Variants in DICER1 observed in about 807,000 individuals in gnomAD.
The protein encoded by DICER1 is endoribonuclease Dicer.
A neutral mutation model predicts 194.1 loss-of-function variants in DICER1; 43 were observed. The ratio of observed to expected loss-of-function variants is 0.22; its 90% confidence interval spans 0.17 to 0.29. The LOEUF (loss-of-function observed/expected upper bound fraction) is 0.29, where lower values mean the gene tolerates loss of function less well. Ranked by LOEUF, DICER1 falls within the 10% of genes least tolerant of loss-of-function variation. The pLI, the probability that DICER1 is intolerant of heterozygous loss-of-function variation, is 1.00. For missense variants in DICER1, 1,608 were observed against 2,317.0 expected (o/e 0.69, Z 6.28); for synonymous variants, 832 against 820.5 (o/e 1.01, Z -0.24).
chr14:95,141,675 A>AT (rs1566825812), intron 1 of DICER1: 1 of 152,252 alleles, frequency 6.6e-6, no homozygotes, highest in Non-Finnish European at 1.5e-5. Flanking sequence ...TGGCATATAC[A>AT]TATTTACCTC....
chr14:95,143,438 T>G (rs1894943363), intron 1 of DICER1, among the ~76,000 whole-genome samples: 1 of 152,166 alleles, frequency 6.6e-6, no homozygotes, highest in African/African-American at 2.4e-5. Flanking sequence ...TCTCTAGTCT[T>G]ATAACTTGGC....
At chr14:95,134,605 C>A (rs1269519421) in intron 1 of DICER1, 1 of 152,204 alleles carries the variant, frequency 6.6e-6, no homozygotes, top group Non-Finnish European at 1.5e-5. Context: ...ACTATTTCAA[C>A]AAGAAGTCTC....
Position 95,086,275 on chromosome 14 carries a change from C to A in DICER1, c.*4223G>T, listed in dbSNP as rs1361903310. 11 of 231,616 alleles carry A rather than the reference C, an allele frequency of 4.7e-5. No homozygotes were observed. The highest frequency in any genetic ancestry group is 2.2e-4 in the African/African-American group (10 of 45,092). The allele number at this position is 231,616 out of a possible 1,614,324, so 14.3% of individuals were successfully genotyped here. ...GAGATTTACTTGGCTACAATTATTA[C>A]AAAAAAAACAACTAAAGGTAATTGT... On this transcript the variant is annotated 3_prime_UTR_variant, in exon 27 of 27. Coordinates refer to ENST00000343455, the MANE Select transcript of DICER1 (RefSeq NM_177438.3).
At chr14:95,114,369 AATG>A (rs1217332836) in intron 11 of DICER1, among the ~76,000 whole-genome samples, 2 of 152,224 alleles carry the variant, frequency 1.3e-5, no homozygotes, top group Non-Finnish European at 2.9e-5. Flanking sequence ...ACAAACAGTA[AATG>A]ATAATGATAG....
chr14:95,093,590 T>C (rs1890038420), intron 24 of DICER1, among the ~76,000 whole-genome samples: 1 of 152,210 alleles, frequency 6.6e-6, no homozygotes, highest in Non-Finnish European at 1.5e-5. Context: ...TGGAGGCCAC[T>C]TCTTTGGCAT....
At position 95,103,768 on chromosome 14, in the gene DICER1, G is replaced by A. The variant is rs200925349; in HGVS notation, c.3628C>T (p.Pro1210Ser). 12 of 1,614,030 alleles carry A rather than the reference G, an allele frequency of 7.4e-6. No homozygotes were observed. Among genetic ancestry groups the A allele is most frequent in the South Asian group, 3.3e-5 (3 of 91,086 alleles). Residue 1210 changes from proline to serine, a missense_variant, in exon 21 of 27, where the codon CCC (proline) becomes TCC (serine). Physicochemically the swap from Pro to Ser is moderately conservative, Grantham distance 74. This residue lies in a region of DICER1 where 222 missense variants were observed against 215.5 expected (regional missense o/e 1.03). Coordinates refer to ENST00000343455, the MANE Select transcript of DICER1 (RefSeq NM_177438.3). The part of the protein sequence containing the change: ...NQLNYYKQEI[P>S]VQPTTSYSIQ... ...GAATATGAGGTAGTTGGTTGCACGGGTATTTCCTGCTTGTAGTAATTTAGC... is the reference window on the plus strand; with the variant it reads ...GAATATGAGGTAGTTGGTTGCACGGATATTTCCTGCTTGTAGTAATTTAGC...
intron 8 of DICER1, among the ~76,000 whole-genome samples, chr14:95,121,929 A>G (rs1403476878): frequency 6.6e-6 from 1 of 152,204 alleles, no homozygotes; most frequent in Non-Finnish European, 1.5e-5. Flanking sequence ...AACTGCATGT[A>G]TATTACAATA....
intron 1 of DICER1, among the ~76,000 whole-genome samples, chr14:95,136,401 T>C (rs1894376660): frequency 6.6e-6 from 1 of 152,072 alleles, no homozygotes; most frequent in South Asian, 2.1e-4. Context: ...TCACCAAGAC[T>C]GAGAATCACT....
At position 95,099,731 on chromosome 14, in the gene DICER1, TAC is replaced by T. The variant is rs71838494; in HGVS notation, c.4206+47_4206+48del. 0.028 allele frequency: 28,779 copies of T among 1,041,088 alleles called. 37 individuals carry two copies. Among genetic ancestry groups the T allele is most frequent in the African/African-American group, 0.11 (2,958 of 27,858 alleles). 64.5% of individuals were successfully genotyped at this position (1,041,088 alleles called of 1,614,324 possible). On this transcript the variant is annotated intron_variant, in intron 22 of 26. Coordinates refer to ENST00000343455, the MANE Select transcript of DICER1 (RefSeq NM_177438.3). ...TCACCGAAAAGTAAATCCCTCCAGT[TAC>T]ACACACACACACACACACACACACA...
intron 3 of DICER1, among the ~76,000 whole-genome samples, chr14:95,132,259 T>C (rs996662132): frequency 2.0e-5 from 3 of 152,202 alleles, no homozygotes; most frequent in Non-Finnish European, 4.4e-5. Context: ...ACAACTTAGA[T>C]TATGTTCTAA....
chr14:95,094,930 G>A (rs1294369406), intron 23 of DICER1, among the ~76,000 whole-genome samples: 1 of 152,174 alleles, frequency 6.6e-6, no homozygotes, highest in Non-Finnish European at 1.5e-5. Context: ...GGACTGCTAG[G>A]CGAGAACCCA....
chr14:95,143,102 C>G (rs375814010), intron 1 of DICER1, among the ~76,000 whole-genome samples: 1 of 152,102 alleles, frequency 6.6e-6, no homozygotes, highest in Admixed American at 6.5e-5. Context: ...TGGAAAAAAA[C>G]CACAATATAG....
chr14:95,105,842 G>C lies in DICER1; in HGVS notation c.2988-59C>G. The C allele has an allele frequency of 6.6e-7, 1 of 1,518,244 alleles. No individual in the cohort carries two copies. Among genetic ancestry groups the C allele is most frequent in the African/African-American group, 1.4e-5 (1 of 72,700 alleles). The allele number at this position is 1,518,244 out of a possible 1,614,324, so 94.0% of individuals were successfully genotyped here. ...ACAAAAATGAGTACATATTCACAGT[G>C]GTTCTCCAAAAACCACCTGAAGAGC... is the stretch of plus-strand genomic sequence containing the variant. On this transcript the variant is annotated intron_variant, in intron 18 of 26. Transcript: ENST00000343455. This position sits in a 1 kb window ranked among gnomAD's most constrained non-coding sequence, Gnocchi z 4.9.
chr14:95,132,622 C>A lies in DICER1; in HGVS notation c.200G>T (p.Gly67Val), dbSNP rs2140288591. Residue 67 changes from glycine (G) to valine (V), a missense_variant, in exon 3 of 27, where the codon GGC becomes GTC. This residue lies in a region of DICER1 where 657 missense variants were observed against 910.1 expected (regional missense o/e 0.72). Transcript: ENST00000343455. ...TACTGCAATAAATGTCTTCCCTGAG[C>A]CAGTGTTTAAACAGACGATGGTATT... ...DHNTIVCLNT[G>V]SGKTFIAVLL... is the part of the protein sequence containing the mutation. 6.2e-7 allele frequency: 1 copy of A among 1,613,872 alleles called. No homozygotes were observed. The highest frequency in any genetic ancestry group is 8.5e-7 in the Non-Finnish European group (1 of 1,179,882).
intron 1 of DICER1, among the ~76,000 whole-genome samples, chr14:95,154,604 AC>A (rs1895722336): frequency 6.6e-6 from 1 of 152,236 alleles, no homozygotes; most frequent in African/African-American, 2.4e-5. Flanking sequence ...TAAGCCAGAC[AC>A]AAAAGAACAA....
chr14:95,103,478 AGC>A lies in DICER1; in HGVS notation c.3916_3917del (p.Ala1306Ter). ...GCCGCTCCAGGTTAAATCCATCACT[AGC>A]GTTTGACAGAGTCAAAGCCTGAAGA... Reference protein sequence around the residue: ...LILQALTLSNASDGFNLERLE... With the variant: ...LILQALTLSNXSDGFNLERLE... On this transcript the variant is annotated frameshift_variant, in exon 21 of 27. Coordinates refer to ENST00000343455, the MANE Select transcript of DICER1 (RefSeq NM_177438.3). LOFTEE classifies it high-confidence loss of function. 6.2e-7 allele frequency: 1 copy of A among 1,614,226 alleles called. No homozygotes were observed. Among genetic ancestry groups the A allele is most frequent in the Non-Finnish European group, 8.5e-7 (1 of 1,180,044 alleles).
In DICER1 at chr14:95,107,601, T is replaced by C. The variant is rs2140017925; in HGVS notation, c.2804+7A>G. ...ACCACCATTTTCCTTTCCATTTAAA[T>C]ACCTACCTTGGAATGATAACGGCAT... is the stretch of plus-strand genomic sequence containing the variant. On this transcript the variant is annotated splice_region_variant and intron_variant, in intron 17 of 26. Coordinates refer to ENST00000343455, the MANE Select transcript of DICER1 (RefSeq NM_177438.3). 6.2e-7 allele frequency: 1 copy of C among 1,613,798 alleles called. No homozygotes were observed. Among genetic ancestry groups the C allele is most frequent in the Non-Finnish European group, 8.5e-7 (1 of 1,179,700 alleles).
chr14:95,120,754 CAT>C (rs1459521515), intron 8 of DICER1, among the ~76,000 whole-genome samples: 1 of 152,178 alleles, frequency 6.6e-6, no homozygotes, highest in African/African-American at 2.4e-5. Context: ...AACTGAAATA[CAT>C]GATTCAATTA....
At chr14:95,115,527 G>A (rs1892358309) in intron 11 of DICER1, 140 bp downstream of exon 11, 1 of 941,234 alleles carries the variant, frequency 1.1e-6, no homozygotes, top group African/African-American at 1.6e-5. Context: ...GAAAAAAGAA[G>A]TAACTTTTCT....
Sources: allele counts gnomAD v4.1 joint callset (sites outside exome capture counted in the v4.1 genomes callset), GRCh38; gene constraint gnomAD v4.1.1; regional missense constraint gnomAD v4.1.1; non-coding constraint Gnocchi (gnomAD v3.1); transcripts MANE v1.5; gene names NCBI Gene and HGNC (gene_info 2026-07-23, HGNC 2026-07-21).